The following NSMAF variants were observed in gnomAD, a reference collection of about 807,000 sequenced individuals.
NSMAF encodes the protein neutral sphingomyelinase activation associated factor, also known as protein FAN.
Under a neutral mutation model 134.9 loss-of-function variants are expected in NSMAF, and 90 were observed. That is an observed-to-expected ratio of 0.67 (90% CI 0.56 to 0.79). NSMAF has a LOEUF of 0.79. NSMAF is among the 30% of genes least tolerant of loss of function. The pLI is 0.00. For synonymous variants in NSMAF, 358 were observed against 389.6 expected, an observed-to-expected ratio of 0.92 and a Z score of 0.96; for missense variants, 1,010 against 1,119.0, an observed-to-expected ratio of 0.90 and a Z score of 1.39.
At chr8:58,631,437 A>T (rs1029234244) in intron 6 of NSMAF, 59 bp downstream of exon 6, 8 of 1,048,498 alleles carry the variant, frequency 7.6e-6, no homozygotes, top group Non-Finnish European at 9.8e-6. Context: ...GAGTCACAAA[A>T]TTTTATTGTT....
intron 1 of NSMAF, among the ~76,000 whole-genome samples, chr8:58,645,058 CCTATGT>C (rs1342342701): frequency 6.6e-6 from 1 of 150,800 alleles, no homozygotes; most frequent in Non-Finnish European, 1.5e-5. Flanking sequence ...CACGTGTATA[CCTATGT>C]AACAAACCTG....
Position 58,642,980 on chromosome 8 carries a change from T to C in NSMAF, c.149+4A>G, listed in dbSNP as rs1303413535. On this transcript the variant is annotated splice_donor_region_variant and intron_variant, in intron 2 of 30. Coordinates refer to ENST00000038176, the MANE Select transcript of NSMAF (RefSeq NM_003580.4). Reference sequence around the variant, plus strand: ...TGTCCAAGGAGATACCGAAGCTTCCTTACCTTTCATGGTGACTGCCCTTGT... The same window carrying C: ...TGTCCAAGGAGATACCGAAGCTTCCCTACCTTTCATGGTGACTGCCCTTGT... 6 of 1,607,192 alleles carry C rather than the reference T, an allele frequency of 3.7e-6. No homozygotes were observed. Among genetic ancestry groups the C allele is most frequent in the Middle Eastern group, 1.7e-4 (1 of 6,046 alleles).
chr8:58,611,251 T>A (rs1009147557), intron 9 of NSMAF, among the ~76,000 whole-genome samples: 1 of 151,980 alleles, frequency 6.6e-6, no homozygotes, highest in Non-Finnish European at 1.5e-5. Flanking sequence ...TGATAAAGGA[T>A]CAAGAACAGT....
chr8:58,587,185 T>G (rs1805905180), intron 27 of NSMAF, among the ~76,000 whole-genome samples: 1 of 152,218 alleles, frequency 6.6e-6, no homozygotes, highest in African/African-American at 2.4e-5. Context: ...ACAGGCTGCA[T>G]GTACTTGACC....
rs765415265 is a variant in NSMAF, at chr8:58,635,425, C to CA, written c.228+42dup. ...AAAATCAAGAAAGGTAAGACATACA[C>CA]AAAAAATAGGAATGTTTCTGTTCAT... On this transcript the variant is annotated intron_variant, in intron 3 of 30. Transcript: ENST00000038176. 1.9e-5 allele frequency: 30 copies of CA among 1,568,480 alleles called. No individual in the cohort carries two copies. The South Asian group carries it at 2.5e-4, about 13-fold the overall frequency.
intron 24 of NSMAF, among the ~76,000 whole-genome samples, chr8:58,590,406 C>T (rs1051530867): frequency 2.0e-5 from 3 of 152,080 alleles, no homozygotes; most frequent in Non-Finnish European, 4.4e-5. Flanking sequence ...AAGAAAATAC[C>T]CCCTCTGGAC....
chr8:58,612,378 C>A (rs966146815), intron 9 of NSMAF, among the ~76,000 whole-genome samples: 1 of 152,234 alleles, frequency 6.6e-6, no homozygotes, highest in Non-Finnish European at 1.5e-5. Context: ...TGTACCCTCA[C>A]TCCACAGGGA....
At chr8:58,601,237 T>C (rs1376551116) in intron 16 of NSMAF, 48 bp downstream of exon 16, 1 of 1,443,082 alleles carries the variant, frequency 6.9e-7, no homozygotes, top group Non-Finnish European at 9.8e-7. Context: ...GTTGTATATA[T>C]ACAATCAGAA....
intron 11 of NSMAF, 69 bp from the exon 12 acceptor site, chr8:58,606,104 T>TATAATTACAATATAAGTATAAGTAA (rs1806405871): frequency 3.2e-6 from 4 of 1,250,774 alleles, no homozygotes; most frequent in Non-Finnish European, 4.3e-6. Flanking sequence ...AATATAAGTA[T>TATAATTACAATATAAGTATAAGTAA]ATAATTACAA....
At chr8:58,640,108 G>C in intron 2 of NSMAF, 1 of 455,458 alleles carries the variant, frequency 2.2e-6, no homozygotes, top group Non-Finnish European at 4.4e-6. Context: ...AAGTTCTGCA[G>C]ATTTAATGTA....
intron 9 of NSMAF, among the ~76,000 whole-genome samples, chr8:58,618,972 C>G (rs7011066): frequency 0.31 from 46,864 of 151,926 alleles, 7,675 homozygotes; most frequent in Non-Finnish European, 0.35. Context: ...TTAAAACGTT[C>G]ACAGTGAACT....
In NSMAF at chr8:58,639,286, T is replaced by TA. The variant is rs747282052; in HGVS notation, c.149+3697dup. ...GTGACAGAGTGAGACTCCGTCTCAA[T>TA]AAAAAAAAAAAAAGAAGAAGAAGAA... On this transcript the variant is annotated intron_variant, in intron 2 of 30. Coordinates refer to ENST00000038176, the MANE Select transcript of NSMAF (RefSeq NM_003580.4). 2.0e-3 allele frequency among the ~76,000 whole-genome samples: 214 copies of TA among 107,608 alleles called. 1 individual carries two copies. The highest frequency in any genetic ancestry group is 3.7e-3 in the African/African-American group (113 of 30,230). 70.6% of individuals were successfully genotyped at this position (107,608 alleles called of 152,430 possible).
At chr8:58,618,256 C>A (rs1311540070) in intron 9 of NSMAF, among the ~76,000 whole-genome samples, 3 of 151,920 alleles carry the variant, frequency 2.0e-5, no homozygotes, top group Admixed American at 2.0e-4. Context: ...CACATGTATA[C>A]CTATGTATCA....
At chr8:58,618,736 C>A (rs544035884) in intron 9 of NSMAF, among the ~76,000 whole-genome samples, 13 of 152,160 alleles carry the variant, frequency 8.5e-5, no homozygotes, top group Admixed American at 2.0e-4. Context: ...AGCGTTTCAA[C>A]TTGTGACAGT....
intron 9 of NSMAF, among the ~76,000 whole-genome samples, chr8:58,610,556 C>T (rs1490565354): frequency 5.3e-5 from 8 of 152,086 alleles, no homozygotes; most frequent in Non-Finnish European, 1.0e-4. Context: ...TTAAAACCGA[C>T]TGGAATGTTG....
chr8:58,605,131 T>TA (rs748144057), intron 12 of NSMAF, among the ~76,000 whole-genome samples: 5 of 152,166 alleles, frequency 3.3e-5, no homozygotes, highest in Admixed American at 6.5e-5. Context: ...TGCAATGTAA[T>TA]AAAAAAACTT....
chr8:58,589,680 G>A, intron 25 of NSMAF, 105 bp from the exon 26 acceptor site: 2 of 1,081,264 alleles, frequency 1.8e-6, no homozygotes, highest in South Asian at 4.3e-5. Flanking sequence ...ACTTACTAAG[G>A]CTCACTAGAA....
intron 2 of NSMAF, chr8:58,639,930 AG>A: frequency 1.9e-5 from 7 of 359,708 alleles, no homozygotes; most frequent in South Asian, 1.3e-4. Context: ...AGACTCTAAA[AG>A]AGTTTAATTC....
intron 19 of NSMAF, among the ~76,000 whole-genome samples, chr8:58,598,725 C>G (rs1414590035): frequency 1.3e-5 from 2 of 151,944 alleles, no homozygotes; most frequent in Non-Finnish European, 2.9e-5. Context: ...GTCAGTTACT[C>G]AATATCTAAT....
Sources: gnomAD v4.1 joint callset for allele counts (sites outside exome capture counted in the v4.1 genomes callset) on GRCh38, gnomAD v4.1.1 for gene constraint, MANE v1.5 for transcripts, NCBI Gene and HGNC (gene_info 2026-07-23, HGNC 2026-07-21) for gene names.